Variants in SORCS2 observed in about 807,000 individuals in gnomAD.
The protein encoded by SORCS2 is sortilin related VPS10 domain containing receptor 2, also known as VPS10 domain-containing receptor SorCS2.
A neutral mutation model predicts 141.6 loss-of-function variants in SORCS2; 100 were observed. That is an observed-to-expected ratio of 0.71 (90% confidence interval 0.60 to 0.83). The LOEUF (loss-of-function observed/expected upper bound fraction) is 0.83, where lower values mean the gene tolerates loss of function less well. SORCS2 is among the 40% of genes least tolerant of loss of function. SORCS2 has a pLI of 0.00. For missense variants in SORCS2, 1,646 were observed against 1,560.2 expected (o/e 1.05, Z -0.93); for synonymous variants, 789 against 676.9 (o/e 1.17, Z -2.57).
At chr4:7,207,312 G>C (rs912803261) in intron 1 of SORCS2, among the ~76,000 whole-genome samples, 2 of 152,234 alleles carry the variant, frequency 1.3e-5, no homozygotes, top group Non-Finnish European at 2.9e-5. Flanking sequence ...GTCTGGGAAG[G>C]CTTGCTGCTG....
At chr4:7,501,409 G>A (rs900334292) in intron 2 of SORCS2, among the ~76,000 whole-genome samples, 1 of 152,204 alleles carries the variant, frequency 6.6e-6, no homozygotes, top group African/African-American at 2.4e-5. Context: ...CCCCTTTCAA[G>A]TCAGTAGGGC....
At chr4:7,215,875 CA>C (rs1424772842) in intron 1 of SORCS2, among the ~76,000 whole-genome samples, 3 of 152,022 alleles carry the variant, frequency 2.0e-5, no homozygotes, top group Non-Finnish European at 4.4e-5. Flanking sequence ...AGCACCCTGT[CA>C]AAACAGGCCA....
At chr4:7,701,000 AG>A (rs1725038042) in intron 12 of SORCS2, among the ~76,000 whole-genome samples, 1 of 152,194 alleles carries the variant, frequency 6.6e-6, no homozygotes, top group Non-Finnish European at 1.5e-5. Flanking sequence ...GCTGCTCTTC[AG>A]TGAGATCCTG....
At chr4:7,640,986 C>T (rs1720694300) in intron 4 of SORCS2, among the ~76,000 whole-genome samples, 1 of 152,134 alleles carries the variant, frequency 6.6e-6, no homozygotes, top group African/African-American at 2.4e-5. Flanking sequence ...GTGGATCTGT[C>T]TACGTAGGTC....
intron 1 of SORCS2, among the ~76,000 whole-genome samples, chr4:7,195,388 A>T (rs1727111979): frequency 6.6e-6 from 1 of 152,110 alleles, no homozygotes. Context: ...AGAAGCCAGG[A>T]CACCCTCATT....
At chr4:7,295,505 G>A (rs1274396993) in intron 1 of SORCS2, among the ~76,000 whole-genome samples, 6 of 152,058 alleles carry the variant, frequency 3.9e-5, no homozygotes, top group Non-Finnish European at 8.8e-5. Flanking sequence ...CCGTTGGCTC[G>A]AGCCGCCCAG....
chr4:7,531,522 TC>T lies in SORCS2; in HGVS notation c.549-3del. ...ACATGGCTGACGGCTGTCCCCCTTT[TC>T]CCCCAGGTCATCAGATTTCGGGACG... is the stretch of plus-strand genomic sequence containing the variant. On this transcript the variant is annotated splice_polypyrimidine_tract_variant and splice_region_variant and intron_variant, in intron 2 of 26. Transcript: ENST00000507866. 4.3e-6 allele frequency: 7 copies of T among 1,613,246 alleles called. No homozygotes were observed. The highest frequency in any genetic ancestry group is 5.9e-6 in the Non-Finnish European group (7 of 1,179,468).
chr4:7,715,060 G>T, intron 16 of SORCS2, 123 bp from the exon 17 acceptor site: 1 of 1,319,582 alleles, frequency 7.6e-7, no homozygotes. Context: ...CCTCACAGAT[G>T]GGTGCATAGC....
intron 1 of SORCS2, among the ~76,000 whole-genome samples, chr4:7,288,317 C>T (rs1716363864): frequency 6.6e-6 from 1 of 152,044 alleles, no homozygotes; most frequent in South Asian, 2.1e-4. Context: ...GTCCTACCTC[C>T]ACGGTGAACT....
intron 2 of SORCS2, among the ~76,000 whole-genome samples, chr4:7,399,739 C>T (rs965064530): frequency 1.3e-5 from 2 of 152,138 alleles, no homozygotes; most frequent in Non-Finnish European, 2.9e-5. Flanking sequence ...TGAGCAAAGC[C>T]CAATGTGTAG....
chr4:7,518,685 T>A (rs1395073263), intron 2 of SORCS2, among the ~76,000 whole-genome samples: 1 of 152,134 alleles, frequency 6.6e-6, no homozygotes, highest in East Asian at 1.9e-4. Context: ...CAGGAGGTGC[T>A]CGTGTGTCCT....
chr4:7,274,722 C>T (rs577771638), intron 1 of SORCS2, among the ~76,000 whole-genome samples: 93 of 152,286 alleles, frequency 6.1e-4, no homozygotes, highest in African/African-American at 2.0e-3. Flanking sequence ...CAAACCATGT[C>T]GAGAAGGTTT....
At chr4:7,726,685 G>A (rs1727240104) in intron 20 of SORCS2, 95 bp from the exon 21 acceptor site, 1 of 1,497,712 alleles carries the variant, frequency 6.7e-7, no homozygotes. Flanking sequence ...CAAGGGGACA[G>A]CAATGCTCTC....
At chr4:7,424,054 T>G (rs1360137708) in intron 2 of SORCS2, among the ~76,000 whole-genome samples, 2 of 152,170 alleles carry the variant, frequency 1.3e-5, no homozygotes, top group Non-Finnish European at 2.9e-5. Context: ...AGGATGCTGC[T>G]TACCCAGCGG....
chr4:7,512,121 CA>C (rs1453970117), intron 2 of SORCS2, among the ~76,000 whole-genome samples: 14 of 152,088 alleles, frequency 9.2e-5, no homozygotes, highest in Admixed American at 9.2e-4. Context: ...TCTAGGAGAC[CA>C]CATCATGGCA....
intron 1 of SORCS2, among the ~76,000 whole-genome samples, chr4:7,391,342 C>T (rs1223992225): frequency 1.3e-5 from 2 of 152,172 alleles, no homozygotes; most frequent in Non-Finnish European, 2.9e-5. Context: ...CGTTGTGGGT[C>T]CGAGGCTGGT....
At chr4:7,706,082 CCTGGACAGAGATGAGGCTGGGCTCT>C (rs1560498574) in intron 14 of SORCS2, among the ~76,000 whole-genome samples, 397 of 77,718 alleles carry the variant, frequency 5.1e-3, no homozygotes, top group South Asian at 6.4e-3. Context: ...CTGGGCTCTG[CCTGGACAGAGATGAGGCTGGGCTCT>C]GTCTGGGCAG....
intron 1 of SORCS2, among the ~76,000 whole-genome samples, chr4:7,244,158 G>A (rs917789988): frequency 6.6e-6 from 1 of 152,324 alleles, no homozygotes; most frequent in East Asian, 1.9e-4. Context: ...AACAGGGGCT[G>A]TGCTCCTCCC....
At chr4:7,317,769 T>A (rs571022787) in intron 1 of SORCS2, among the ~76,000 whole-genome samples, 1 of 152,158 alleles carries the variant, frequency 6.6e-6, no homozygotes, top group Non-Finnish European at 1.5e-5. Context: ...CTCCCAGAAG[T>A]ACCATCTGAA....
Sources: allele counts gnomAD v4.1 joint callset (sites outside exome capture counted in the v4.1 genomes callset), GRCh38; gene constraint gnomAD v4.1.1; transcripts MANE v1.5; gene names NCBI Gene and HGNC (gene_info 2026-07-23, HGNC 2026-07-21).